The following SCRIB variants were observed in gnomAD, a reference collection of about 807,000 sequenced individuals.
SCRIB encodes scribble planar cell polarity protein.
Under a neutral mutation model 170.0 loss-of-function variants are expected in SCRIB, and 72 were observed. The ratio of observed to expected loss-of-function variants is 0.42; its 90% CI spans 0.35 to 0.52. The LOEUF is 0.52. Ranked by LOEUF, SCRIB falls within the 20% of genes least tolerant of loss-of-function variation. The pLI is 0.02. For missense variants in SCRIB, 2,475 were observed against 2,338.5 expected, an observed-to-expected ratio of 1.06 and a Z score of -1.20; for synonymous variants, 1,298 against 1,044.3, an observed-to-expected ratio of 1.24 and a Z score of -4.68.
intron 24 of SCRIB, among the ~76,000 whole-genome samples, chr8:143,799,331 T>C (rs1815076189): frequency 6.6e-6 from 1 of 152,212 alleles, no homozygotes; most frequent in Non-Finnish European, 1.5e-5. Flanking sequence ...TGAAGTTTAA[T>C]TTTTAATGGT....
Position 143,804,555 on chromosome 8 carries a change from G to A in SCRIB, c.3009+13C>T, listed in dbSNP as rs782142923. 69 of 1,491,852 alleles carry A rather than the reference G, an allele frequency of 4.6e-5. No individual in the cohort carries two copies. The highest frequency in any genetic ancestry group is 6.1e-5 in the Non-Finnish European group (69 of 1,127,356). The allele number at this position is 1,491,852 out of a possible 1,614,324, so 92.4% of individuals were successfully genotyped here. A position where few individuals can be genotyped will look rare whatever the true frequency, so the allele number is the denominator to read the frequency against. On this transcript the variant is annotated intron_variant, in intron 21 of 36. Transcript: ENST00000356994. ...AAGCTGGGTGGGTGCCTGGGTGGGGGCTTGTGTCTCACCTCCACTGGGTAT... is the reference window on the plus strand; with the variant it reads ...AAGCTGGGTGGGTGCCTGGGTGGGGACTTGTGTCTCACCTCCACTGGGTAT...
At position 143,815,417 on chromosome 8, in the gene SCRIB, C is replaced by A; in HGVS notation, c.-45G>T. 1 of 1,241,388 alleles carries A rather than the reference C, an allele frequency of 8.1e-7. No individual in the cohort carries two copies. The highest frequency in any genetic ancestry group is 1.0e-6 in the Non-Finnish European group (1 of 989,042). 76.9% of individuals were successfully genotyped at this position (1,241,388 alleles called of 1,614,324 possible). A position where few individuals can be genotyped will look rare whatever the true frequency, so the allele number is the denominator to read the frequency against. Reference sequence around the variant, plus strand: ...GGCTCCGGCGGCGGCGCTCGGCGGGCTCGGGGCCGGGGGGCGGGGCTCAGT... The same window carrying A: ...GGCTCCGGCGGCGGCGCTCGGCGGGATCGGGGCCGGGGGGCGGGGCTCAGT... On this transcript the variant is annotated 5_prime_UTR_variant, in exon 1 of 37. Coordinates refer to ENST00000356994, the MANE Select transcript of SCRIB (RefSeq NM_182706.5).
At chr8:143,791,553 G>C in intron 35 of SCRIB, 113 bp from the exon 36 acceptor site, 2 of 1,558,946 alleles carry the variant, frequency 1.3e-6, no homozygotes, top group Non-Finnish European at 8.8e-7. Flanking sequence ...AGGGGGAGGG[G>C]GGGTGAAGAG....
chr8:143,809,721 G>C lies in SCRIB; in HGVS notation c.1531-3C>G. 1 of 1,606,890 alleles carries C rather than the reference G, an allele frequency of 6.2e-7. No homozygotes were observed. Among genetic ancestry groups the C allele is most frequent in the Non-Finnish European group, 8.5e-7 (1 of 1,178,728 alleles). On this transcript the variant is annotated splice_polypyrimidine_tract_variant and splice_region_variant and intron_variant, in intron 13 of 36. Transcript: ENST00000356994. Reference sequence around the variant, plus strand: ...GACTCGGCACTCAGCCGCTTCTCCTGCGGCGGGAAGTGGGGTCAGGCTTCG... The same window carrying C: ...GACTCGGCACTCAGCCGCTTCTCCTCCGGCGGGAAGTGGGGTCAGGCTTCG...
Position 143,813,056 on chromosome 8 carries a change from G to T in SCRIB, c.616C>A (p.Arg206=). The change falls in exon 7 of 37, where the codon CGG becomes AGG. Residue 206 remains arginine (R), a synonymous_variant. Transcript: ENST00000356994. ...LPNLRELWLD[R]NQLSALPPEL... ...GGGGGCAGTGCTGACAGCTGGTTCC[G>T]GTCAAGCCACAGCTCCCGAAGATTG... The T allele has an allele frequency of 6.3e-7, 1 of 1,589,152 alleles. No individual in the cohort carries two copies. Among genetic ancestry groups the T allele is most frequent in the East Asian group, 2.3e-5 (1 of 44,014 alleles).
At chr8:143,794,191 T>C (rs1245841218) in intron 27 of SCRIB, 2 of 542,334 alleles carry the variant, frequency 3.7e-6, no homozygotes, top group Non-Finnish European at 6.6e-6. Context: ...CATGGCAGTG[T>C]GCTGGCTGGA....
At chr8:143,813,205 G>A in intron 6 of SCRIB, 101 bp from the exon 7 acceptor site, 4 of 1,585,224 alleles carry the variant, frequency 2.5e-6, no homozygotes, top group South Asian at 1.1e-5. Context: ...CCACCCGCCT[G>A]CCCTCCCGAG....
Position 143,791,150 on chromosome 8 carries a change from G to C in SCRIB, c.*13C>G, listed in dbSNP as rs782061062. On this transcript the variant is annotated 3_prime_UTR_variant, in exon 37 of 37. Transcript: ENST00000356994. Reference sequence around the variant, plus strand: ...GGGCCCCCACCCCAAGTCTGGGGGAGGTGCCTGCTCCTCTAGGAGGGCACA... The same window carrying C: ...GGGCCCCCACCCCAAGTCTGGGGGACGTGCCTGCTCCTCTAGGAGGGCACA... The C allele has an allele frequency of 2.2e-6, 3 of 1,393,942 alleles. No homozygotes were observed. Among genetic ancestry groups the C allele is most frequent in the Non-Finnish European group, 2.8e-6 (3 of 1,073,214 alleles). The allele number at this position is 1,393,942 out of a possible 1,614,324, so 86.3% of individuals were successfully genotyped here.
intron 18 of SCRIB, among the ~76,000 whole-genome samples, chr8:143,805,739 C>T (rs1442018818): frequency 1.3e-5 from 2 of 152,256 alleles, no homozygotes; most frequent in Non-Finnish European, 2.9e-5. Context: ...CTGGATACCT[C>T]CGGCCCATCT....
At chr8:143,806,842 G>A (rs1815447308) in intron 17 of SCRIB, 82 bp downstream of exon 17, 7 of 1,009,100 alleles carry the variant, frequency 6.9e-6, no homozygotes, top group Non-Finnish European at 8.9e-6. Context: ...TGTTCTCAGG[G>A]CAAGGGGCCT....
chr8:143,804,613 G>T lies in SCRIB; in HGVS notation c.2964C>A (p.Ala988=). The change falls in exon 21 of 37, where the codon GCC becomes GCA. Residue 988 remains alanine, a synonymous_variant. Transcript: ENST00000356994. Reference sequence around the variant, plus strand: ...CCAACGCGGCAGCCAGCAGGCTGGGGGCCAGGCTCGGCAACCCAGGCACCC... The same window carrying T: ...CCAACGCGGCAGCCAGCAGGCTGGGTGCCAGGCTCGGCAACCCAGGCACCC... ...TPGVPGLPSL[A]PSLLAAALEG... is the part of the protein sequence containing the mutation. 6.6e-7 allele frequency: 1 copy of T among 1,522,204 alleles called. No individual in the cohort carries two copies. The highest frequency in any genetic ancestry group is 8.8e-7 in the Non-Finnish European group (1 of 1,137,344). 94.3% of individuals were successfully genotyped at this position (1,522,204 alleles called of 1,614,324 possible). A position where few individuals can be genotyped will look rare whatever the true frequency, so the allele number is the denominator to read the frequency against.
Position 143,804,085 on chromosome 8 carries a change from G to A in SCRIB, c.3081C>T (p.His1027=), listed in dbSNP as rs1815298801. The change falls in exon 22 of 37, where the codon CAC becomes CAT. Residue 1027 remains histidine, a synonymous_variant. Transcript: ENST00000356994. ...SIVGGSDHSS[H]PFGVQEPGVF... Reference sequence around the variant, plus strand: ...CACCAGGCTCCTGGACACCAAACGGGTGGCTGGAATGGTCGGAGCCTCCGA... The same window carrying A: ...CACCAGGCTCCTGGACACCAAACGGATGGCTGGAATGGTCGGAGCCTCCGA... 6.2e-7 allele frequency: 1 copy of A among 1,612,732 alleles called. No homozygotes were observed. Among genetic ancestry groups the A allele is most frequent in the Non-Finnish European group, 8.5e-7 (1 of 1,179,338 alleles).
At chr8:143,814,498 T>C (rs918471474) in intron 1 of SCRIB, among the ~76,000 whole-genome samples, 6 of 152,098 alleles carry the variant, frequency 3.9e-5, no homozygotes, top group African/African-American at 1.4e-4. Context: ...AAGCCTGGCC[T>C]GGTTCTGCAG....
chr8:143,798,500 G>C (rs782453497), intron 24 of SCRIB, among the ~76,000 whole-genome samples: 7 of 152,154 alleles, frequency 4.6e-5, no homozygotes, highest in African/African-American at 7.2e-5. Flanking sequence ...TTTAGAGTCT[G>C]TCTTGCTCAG....
intron 18 of SCRIB, among the ~76,000 whole-genome samples, 187 bp downstream of exon 18, chr8:143,806,220 G>A (rs1815417989): frequency 6.6e-6 from 1 of 152,192 alleles, no homozygotes; most frequent in Admixed American, 6.5e-5. Context: ...GAAAGCCCAG[G>A]TGGCACTTGC....
chr8:143,803,180 C>A (rs1308177417), intron 24 of SCRIB, among the ~76,000 whole-genome samples: 2 of 152,116 alleles, frequency 1.3e-5, no homozygotes, highest in Non-Finnish European at 2.9e-5. Context: ...CTGGACAGCT[C>A]GATGAGCCGG....
Position 143,791,378 on chromosome 8 carries a change from C to T in SCRIB, c.4822+11G>A. ...CTCCTGGGAGCTCACCCCAGCCCGGCCCCAACTCACCAGGGCTGGGAGATG... is the reference window on the plus strand; with the variant it reads ...CTCCTGGGAGCTCACCCCAGCCCGGTCCCAACTCACCAGGGCTGGGAGATG... On this transcript the variant is annotated intron_variant, in intron 36 of 36. Transcript: ENST00000356994. 2 of 1,607,762 alleles carry T rather than the reference C, an allele frequency of 1.2e-6. No individual in the cohort carries two copies. Among genetic ancestry groups the T allele is most frequent in the Non-Finnish European group, 1.7e-6 (2 of 1,177,812 alleles).
rs371267362 is a variant in SCRIB, at chr8:143,803,466, C to A, written c.3520G>T (p.Val1174Leu). 6.3e-7 allele frequency: 1 copy of A among 1,598,798 alleles called. No individual in the cohort carries two copies. Among genetic ancestry groups the A allele is most frequent in the African/African-American group, 1.3e-5 (1 of 74,862 alleles). Residue 1174 changes from valine (V) to leucine (L), a missense_variant, in exon 24 of 37, where the codon GTG becomes TTG. By Grantham distance (32) the Val-to-Leu change is conservative. This residue lies in a region of SCRIB where 1,966 missense variants were observed against 1,742.9 expected (regional missense o/e 1.13). Transcript: ENST00000356994. ...SLLGLTHGEA[V>L]QLLRSVGDTL... is the part of the protein sequence containing the mutation. The stretch of plus-strand genomic sequence containing the variant: ...TCGCCCACACTGCGGAGCAGCTGCA[C>A]CGCCTCGCCGTGCGTCAGGCCCAGC...
At chr8:143,799,771 G>A (rs1248402011) in intron 24 of SCRIB, among the ~76,000 whole-genome samples, 3 of 144,642 alleles carry the variant, frequency 2.1e-5, no homozygotes, top group African/African-American at 8.5e-5. Flanking sequence ...TAGAAAGCAG[G>A]AGACGTAGGC....
Sources: gnomAD v4.1 joint callset for allele counts (sites outside exome capture counted in the v4.1 genomes callset) on GRCh38, gnomAD v4.1.1 for gene constraint, gnomAD v4.1.1 regional missense constraint, MANE v1.5 for transcripts, NCBI Gene and HGNC (gene_info 2026-07-23, HGNC 2026-07-21) for gene names.